The following DMXL1 variants were observed in gnomAD, a reference collection of about 807,000 sequenced individuals.
DMXL1 encodes Dmx like 1.
Under a neutral mutation model 319.2 loss-of-function variants are expected in DMXL1, and 99 were observed. The observed-to-expected ratio is 0.31, with a 90% confidence interval of 0.26 to 0.37. The LOEUF is 0.37. Ranked by LOEUF, DMXL1 falls within the 10% of genes least tolerant of loss-of-function variation. The pLI is 1.00. For synonymous variants in DMXL1, 1,385 were observed against 1,235.2 expected (o/e 1.12, Z -2.54); for missense variants, 3,745 against 3,595.6 (o/e 1.04, Z -1.06).
At chr5:119,162,300 C>T (rs35639358) in intron 19 of DMXL1, among the ~76,000 whole-genome samples, 1 of 152,154 alleles carries the variant, frequency 6.6e-6, no homozygotes. Flanking sequence ...TGGCTAGTTG[C>T]TACTTAAACT....
chr5:119,138,357 G>A (rs940655756), intron 13 of DMXL1, among the ~76,000 whole-genome samples: 7 of 152,152 alleles, frequency 4.6e-5, no homozygotes, highest in African/African-American at 1.7e-4. Flanking sequence ...TGAGGGGCAG[G>A]GAAATTCAAG....
intron 17 of DMXL1, chr5:119,147,676 A>G (rs1445939836): frequency 9.3e-6 from 4 of 428,110 alleles, no homozygotes; most frequent in Non-Finnish European, 1.6e-5. Flanking sequence ...AGTCTTAAAT[A>G]TTGATTTCTA....
In DMXL1 at chr5:119,110,603, A is replaced by G. The variant is rs144461540; in HGVS notation, c.497+320A>G. On this transcript the variant is annotated intron_variant, in intron 5 of 43. Transcript: ENST00000539542. ...AAGACTTCCTATTCTGAAGAAATCT[A>G]TTTTTCCCACATAATCTATATATTG... 6.4e-3 allele frequency among the ~76,000 whole-genome samples: 973 copies of G among 152,304 alleles called. 12 individuals are homozygous for G. The highest frequency in any genetic ancestry group is 0.022 in the African/African-American group (894 of 41,570).
chr5:119,120,146 G>C (rs1761727011), intron 8 of DMXL1, among the ~76,000 whole-genome samples: 1 of 152,224 alleles, frequency 6.6e-6, no homozygotes, highest in South Asian at 2.1e-4. Context: ...TGATCTGACT[G>C]CCTTGGCCTC....
chr5:119,143,809 T>C (rs749022394), intron 13 of DMXL1, 32 bp from the exon 14 acceptor site: 3 of 1,402,718 alleles, frequency 2.1e-6, no homozygotes, highest in Non-Finnish European at 2.0e-6. Context: ...ATGAATTGTT[T>C]AGTAAATTAT....
chr5:119,212,924 C>A (rs895981665), intron 34 of DMXL1, among the ~76,000 whole-genome samples: 1 of 152,130 alleles, frequency 6.6e-6, no homozygotes, highest in Non-Finnish European at 1.5e-5. Context: ...CACTTGCAAA[C>A]ATCCTTATCC....
chr5:119,240,979 C>G lies in DMXL1; in HGVS notation c.8704+508C>G, dbSNP rs188783052. On this transcript the variant is annotated intron_variant, in intron 42 of 43. Transcript: ENST00000539542. ...ATACAAGGTCAATATACAGTTGACC[C>G]TTGAACAACATAAGGATTGGGATGC... Among the ~76,000 whole-genome samples the G allele has an allele frequency of 1.5e-3, 227 of 152,182 alleles. 1 individual carries two copies. The highest frequency in any genetic ancestry group is 6.9e-3 in the South Asian group (33 of 4,812).
Position 119,166,765 on chromosome 5 carries a change from T to C in DMXL1, c.5120T>C (p.Leu1707Pro). ...GCATTTTTTCTTTTAGCTGGTTGCC[T>C]CAGAGATGCAATTGAGGTAATGAGT... ...SAAFFLLAGC[L>P]RDAIEVCLEK... Residue 1707 changes from leucine to proline, a missense_variant, in exon 22 of 44, where the codon CTC (leucine) becomes CCC (proline). Physicochemically the swap from Leu to Pro is moderately conservative, Grantham distance 98. Coordinates refer to ENST00000539542, the MANE Select transcript of DMXL1 (RefSeq NM_001290321.3). The C allele has an allele frequency of 6.2e-7, 1 of 1,610,894 alleles. No homozygotes were observed. Among genetic ancestry groups the C allele is most frequent in the Non-Finnish European group, 8.5e-7 (1 of 1,178,946 alleles).
intron 41 of DMXL1, among the ~76,000 whole-genome samples, chr5:119,240,105 C>A (rs955461406): frequency 6.6e-6 from 1 of 151,158 alleles, no homozygotes; most frequent in Non-Finnish European, 1.5e-5. Flanking sequence ...TCCATCTCTA[C>A]AAAAAAAAAT....
intron 19 of DMXL1, among the ~76,000 whole-genome samples, chr5:119,162,427 T>A (rs1772470366): frequency 6.6e-6 from 1 of 152,202 alleles, no homozygotes; most frequent in South Asian, 2.1e-4. Flanking sequence ...AAGTCCAAGA[T>A]CAAGACACCA....
intron 4 of DMXL1, among the ~76,000 whole-genome samples, chr5:119,108,439 C>A (rs570917623): frequency 1.6e-4 from 24 of 151,302 alleles, no homozygotes; most frequent in African/African-American, 5.8e-4. Context: ...TTCATTTTTT[C>A]TTGAGACAGG....
Position 119,101,958 on chromosome 5 carries a change from T to A in DMXL1, c.237T>A (p.Val79=), listed in dbSNP as rs1442358784. The A allele has an allele frequency of 6.2e-7, 1 of 1,605,524 alleles. No individual in the cohort carries two copies. The highest frequency in any genetic ancestry group is 2.2e-5 in the East Asian group (1 of 44,646). The change falls in exon 3 of 44, where the codon GTT becomes GTA. Residue 79 remains valine (V), a synonymous_variant. Coordinates refer to ENST00000539542, the MANE Select transcript of DMXL1 (RefSeq NM_001290321.3). ...AGATTGCAGCGTCTTATGGAAATGTTATCTCCATTTTTGAACCAGTTAACC... is the reference window on the plus strand; with the variant it reads ...AGATTGCAGCGTCTTATGGAAATGTAATCTCCATTTTTGAACCAGTTAACC... ...QGKIAASYGN[V]ISIFEPVNLP...
rs1235528124 is a variant in DMXL1 at position 119,149,140 on chromosome 5, G to A, written c.3313G>A (p.Val1105Ile). ...AATTCATTTAGATGAGTTAAGCACA[G>A]TATTGGATTCTGGCATTAGTGTTGA... ...QTIHLDELST[V>I]LDSGISVDSN... Residue 1105 changes from valine (V) to isoleucine (I), a missense_variant, in exon 18 of 44, where the codon GTA (valine) becomes ATA (isoleucine). Around this residue, in one of 4 missense-constraint regions of DMXL1, gnomAD observed 2,096 missense variants for 1,985.4 expected, o/e 1.06. Coordinates refer to ENST00000539542, the MANE Select transcript of DMXL1 (RefSeq NM_001290321.3). 6.2e-7 allele frequency: 1 copy of A among 1,613,934 alleles called. No individual in the cohort carries two copies.
At chr5:119,229,903 C>T (rs910975308) in intron 38 of DMXL1, among the ~76,000 whole-genome samples, 2 of 152,128 alleles carry the variant, frequency 1.3e-5, no homozygotes, top group African/African-American at 4.8e-5. Flanking sequence ...CCTTTACTAA[C>T]AGACCCAAAT....
rs375602559 is a variant in DMXL1, at chr5:119,148,847, G to T, written c.3020G>T (p.Gly1007Val). Residue 1007 changes from glycine (G) to valine (V), a missense_variant, in exon 18 of 44, where the codon GGA becomes GTA. Coordinates refer to ENST00000539542, the MANE Select transcript of DMXL1 (RefSeq NM_001290321.3). ...VRFWRCRVTD[G>V]ESATSKNGKI... is the part of the protein sequence containing the mutation. ...TTCTGGAGATGCAGAGTAACAGATG[G>T]AGAATCTGCCACGTCAAAGAATGGA... 1.2e-6 allele frequency: 2 copies of T among 1,613,614 alleles called. No homozygotes were observed. The highest frequency in any genetic ancestry group is 1.7e-6 in the Non-Finnish European group (2 of 1,179,786).
chr5:119,210,525 T>C (rs1354694376), intron 34 of DMXL1, among the ~76,000 whole-genome samples: 1 of 152,198 alleles, frequency 6.6e-6, no homozygotes, highest in Non-Finnish European at 1.5e-5. Flanking sequence ...TACAGCATTA[T>C]TTCTTGAAAA....
intron 28 of DMXL1, among the ~76,000 whole-genome samples, chr5:119,183,512 G>A (rs753755655): frequency 1.3e-5 from 2 of 152,066 alleles, no homozygotes; most frequent in East Asian, 1.9e-4. Flanking sequence ...TCGTACCGTC[G>A]CCCAGGCTGG....
At chr5:119,110,433 C>T (rs1439960105) in intron 5 of DMXL1, 150 bp downstream of exon 5, 4 of 646,480 alleles carry the variant, frequency 6.2e-6, no homozygotes, top group Middle Eastern at 4.6e-4. Context: ...AGATAATTCT[C>T]TATTTCCCGT....
At chr5:119,172,728 A>G (rs1456790704) in intron 25 of DMXL1, among the ~76,000 whole-genome samples, 1 of 151,834 alleles carries the variant, frequency 6.6e-6, no homozygotes, top group African/African-American at 2.4e-5. Context: ...ATATATCCCT[A>G]GTGGTTTTTG....
Sources: gnomAD v4.1 joint callset for allele counts (sites outside exome capture counted in the v4.1 genomes callset) on GRCh38, gnomAD v4.1.1 for gene constraint, gnomAD v4.1.1 regional missense constraint, MANE v1.5 for transcripts, NCBI Gene and HGNC (gene_info 2026-07-23, HGNC 2026-07-21) for gene names.